Variants in TNS1 observed in about 807,000 individuals in gnomAD.
TNS1 encodes the protein tensin-1.
A neutral mutation model predicts 168.6 loss-of-function variants in TNS1; 62 were observed. The observed-to-expected ratio is 0.37, with a 90% CI of 0.30 to 0.45. TNS1 has a LOEUF of 0.45. Ranked by LOEUF, TNS1 falls within the 20% of genes least tolerant of loss-of-function variation. The probability of loss-of-function intolerance (pLI) is 1.00; values close to 1 mark genes in which losing one functional copy is unlikely to be tolerated. For synonymous variants in TNS1, 934 were observed against 933.2 expected (o/e 1.00, Z -0.02); for missense variants, 2,240 against 2,339.4 (o/e 0.96, Z 0.88).
chr2:217,902,772 C>T (rs56033257), intron 6 of TNS1, among the ~76,000 whole-genome samples: 138 of 152,264 alleles, frequency 9.1e-4, no homozygotes, highest in Non-Finnish European at 1.7e-3. Flanking sequence ...GGACAGTGAC[C>T]CCAGTGCAGA....
chr2:217,991,380 C>T (rs1245834689), intron 1 of TNS1, among the ~76,000 whole-genome samples: 2 of 152,080 alleles, frequency 1.3e-5, no homozygotes, highest in Non-Finnish European at 2.9e-5. Flanking sequence ...GCAGACTGCA[C>T]TCATTTTAAA....
chr2:217,841,282 T>G, intron 19 of TNS1: 1 of 984,780 alleles, frequency 1.0e-6, no homozygotes, highest in South Asian at 4.7e-5. Flanking sequence ...CCTGGCGTTG[T>G]ACGCTGCCCA....
chr2:217,980,512 G>C (rs1244624641), intron 2 of TNS1, among the ~76,000 whole-genome samples: 16 of 58,786 alleles, frequency 2.7e-4, no homozygotes, highest in African/African-American at 9.6e-4. Context: ...CACACAGAGA[G>C]AGAGAGAGAG....
At chr2:217,924,219 C>T (rs548180680) in intron 3 of TNS1, among the ~76,000 whole-genome samples, 31 of 152,196 alleles carry the variant, frequency 2.0e-4, no homozygotes, top group African/African-American at 6.3e-4. Flanking sequence ...CAGCTGTCTG[C>T]GTAGCTGTGT....
intron 1 of TNS1, among the ~76,000 whole-genome samples, chr2:218,029,558 G>A (rs1958876467): frequency 6.6e-6 from 1 of 152,238 alleles, no homozygotes; most frequent in African/African-American, 2.4e-5. Context: ...TTCACACAGT[G>A]GGACGCTGTC....
chr2:217,870,572 G>A (rs1041713592), intron 18 of TNS1, among the ~76,000 whole-genome samples: 2 of 152,184 alleles, frequency 1.3e-5, no homozygotes, highest in Non-Finnish European at 2.9e-5. Flanking sequence ...GGGAGGCTGA[G>A]GGGGAAAGAG....
At chr2:217,979,493 C>T (rs1368096205) in intron 2 of TNS1, among the ~76,000 whole-genome samples, 1 of 151,776 alleles carries the variant, frequency 6.6e-6, no homozygotes, top group African/African-American at 2.4e-5. Context: ...AACAGATGCT[C>T]ACATAAACTT....
intron 3 of TNS1, among the ~76,000 whole-genome samples, chr2:217,925,792 C>T (rs1955991218): frequency 6.6e-6 from 1 of 152,172 alleles, no homozygotes; most frequent in African/African-American, 2.4e-5. Context: ...CACTAGCCCT[C>T]ATTTCCCCTC....
chr2:217,871,463 G>A (rs2125594811), intron 18 of TNS1, among the ~76,000 whole-genome samples: 1 of 152,250 alleles, frequency 6.6e-6, no homozygotes, highest in East Asian at 1.9e-4. Flanking sequence ...GATACAAGGG[G>A]CACATGTATC....
At chr2:217,852,372 A>T (rs965543756) in intron 18 of TNS1, among the ~76,000 whole-genome samples, 4 of 152,272 alleles carry the variant, frequency 2.6e-5, no homozygotes, top group Admixed American at 2.0e-4. Context: ...GAGGTGCCAG[A>T]ATTTCCCTCC....
Position 217,827,114 on chromosome 2 carries a change from T to G in TNS1, c.3373+4341A>C, listed in dbSNP as rs371077382. The stretch of plus-strand genomic sequence containing the variant: ...CCTACCTCAGCTCAGCACTTTTGCC[T>G]AATATTGAAATGTCTGTTGGCATCA... On this transcript the variant is annotated intron_variant, in intron 22 of 32. Transcript: ENST00000682258. 5.2e-4 allele frequency among the ~76,000 whole-genome samples: 79 copies of G among 152,236 alleles called. No individual in the cohort carries two copies. The East Asian group carries it at 0.01, about 20-fold the overall frequency.
Position 217,817,682 on chromosome 2 carries a change from A to G in TNS1, c.4642+8T>C. 1 of 1,576,422 alleles carries G rather than the reference A, an allele frequency of 6.3e-7. No individual in the cohort carries two copies. The highest frequency in any genetic ancestry group is 8.6e-7 in the Non-Finnish European group (1 of 1,156,264). ...GGAGAGGTGAAAATGGAAGGGGGAG[A>G]GGCCCACCTGGCATGGAGTACTTGG... On this transcript the variant is annotated splice_region_variant and intron_variant, in intron 24 of 32. Transcript: ENST00000682258.
At chr2:217,908,792 CG>C (rs1472303662) in intron 4 of TNS1, among the ~76,000 whole-genome samples, 1 of 152,032 alleles carries the variant, frequency 6.6e-6, no homozygotes, top group Non-Finnish European at 1.5e-5. Context: ...AGAGGGACAA[CG>C]GGGTCCAGGC....
chr2:217,850,869 A>G (rs1281304292), intron 18 of TNS1, among the ~76,000 whole-genome samples: 1 of 152,032 alleles, frequency 6.6e-6, no homozygotes, highest in African/African-American at 2.4e-5. Context: ...TACCAACAAC[A>G]GTGACCACCG....
rs2241451 is a variant in TNS1 at position 217,807,934 on chromosome 2, C to T, written c.5375+141G>A. 140,706 of 1,005,714 alleles carry T rather than the reference C, an allele frequency of 0.14. 10,746 individuals carry two copies. Among genetic ancestry groups the T allele is most frequent in the East Asian group, 0.25 (9,644 of 38,078 alleles). 62.3% of individuals were successfully genotyped at this position (1,005,714 alleles called of 1,614,324 possible). A position where few individuals can be genotyped will look rare whatever the true frequency, so the allele number is the denominator to read the frequency against. ...CCTGGAAGCCTGGTCAAGCTTCACT[C>T]GGAAGCTGAGTGACCTTGGCACAAA... On this transcript the variant is annotated intron_variant, in intron 32 of 32. Transcript: ENST00000682258.
intron 25 of TNS1, among the ~76,000 whole-genome samples, chr2:217,814,523 C>T (rs375602642): frequency 3.9e-5 from 6 of 152,328 alleles, no homozygotes; most frequent in East Asian, 1.9e-4. Flanking sequence ...CCGTTGCTGA[C>T]CCCTGTCCCA....
At chr2:217,903,149 G>C (rs1953218248) in intron 6 of TNS1, among the ~76,000 whole-genome samples, 1 of 152,122 alleles carries the variant, frequency 6.6e-6, no homozygotes, top group Admixed American at 6.5e-5. Flanking sequence ...CAATCTTCAT[G>C]CTCATTCTCT....
chr2:218,010,388 G>A (rs1958695326), exon 1 of TNS1: 1 of 391,324 alleles, frequency 2.6e-6, no homozygotes, highest in South Asian at 1.4e-4. Context: ...GAGGAGCGGC[G>A]CGGGAGGCCC....
At chr2:217,882,859 G>T (rs1056190286) in intron 16 of TNS1, among the ~76,000 whole-genome samples, 3 of 152,092 alleles carry the variant, frequency 2.0e-5, no homozygotes, top group Non-Finnish European at 2.9e-5. Flanking sequence ...ACAGTGGTGC[G>T]ATCACAGCTC....
Sources: gnomAD v4.1 joint callset for allele counts (sites outside exome capture counted in the v4.1 genomes callset) on GRCh38, gnomAD v4.1.1 for gene constraint, MANE v1.5 for transcripts, NCBI Gene and HGNC (gene_info 2026-07-23, HGNC 2026-07-21) for gene names.